DOCK9: variants seen among roughly 807,000 people sequenced by gnomAD.
DOCK9 encodes the protein dedicator of cytokinesis protein 9.
A neutral mutation model predicts 263.3 loss-of-function variants in DOCK9; 89 were observed. That is an observed-to-expected ratio of 0.34 (90% CI 0.28 to 0.40). The LOEUF (loss-of-function observed/expected upper bound fraction) is 0.40. Ranked by LOEUF, DOCK9 falls within the 10% of genes least tolerant of loss-of-function variation. The pLI is 1.00. For missense variants in DOCK9, 2,140 were observed against 2,603.4 expected (o/e 0.82, Z 3.87); for synonymous variants, 976 against 973.1 (o/e 1.00, Z -0.06).
chr13:99,004,169 ACC>A (rs1882888392), intron 1 of DOCK9, among the ~76,000 whole-genome samples: 3 of 151,950 alleles, frequency 2.0e-5, no homozygotes, highest in African/African-American at 7.3e-5. Context: ...ACCTGTGCTT[ACC>A]CCCATCATGG....
intron 1 of DOCK9, among the ~76,000 whole-genome samples, chr13:99,075,363 T>TA (rs2041867735): frequency 6.7e-6 from 1 of 149,386 alleles, no homozygotes. Flanking sequence ...TACTTTTTTT[T>TA]TTTTTTTTTT....
chr13:99,082,023 G>A (rs889543325), intron 1 of DOCK9, among the ~76,000 whole-genome samples: 1 of 152,060 alleles, frequency 6.6e-6, no homozygotes, highest in Non-Finnish European at 1.5e-5. Flanking sequence ...TTCAAGACCA[G>A]CCTAGGCAAC....
chr13:98,932,557 C>T (rs1200066131), intron 2 of DOCK9, among the ~76,000 whole-genome samples: 4 of 152,204 alleles, frequency 2.6e-5, no homozygotes, highest in Non-Finnish European at 5.9e-5. Context: ...TGGCAGTTTC[C>T]TTTCTTCCTT....
At chr13:98,925,806 T>C in intron 4 of DOCK9, 31 bp downstream of exon 4, 1 of 1,461,656 alleles carries the variant, frequency 6.8e-7, no homozygotes, top group Non-Finnish European at 9.2e-7. Context: ...TACAAAGACT[T>C]TTCCCTATGT....
intron 1 of DOCK9, among the ~76,000 whole-genome samples, chr13:99,083,579 C>T (rs2042213157): frequency 6.6e-6 from 1 of 152,042 alleles, no homozygotes; most frequent in Non-Finnish European, 1.5e-5. Flanking sequence ...ATTATTCAAT[C>T]TGGATGATGA....
intron 21 of DOCK9, 33 bp from the exon 22 acceptor site, chr13:98,883,932 C>T (rs779457531): frequency 5.4e-6 from 8 of 1,490,798 alleles, no homozygotes; most frequent in Non-Finnish European, 6.5e-6. Context: ...AATATCCCTA[C>T]AGATTAGTTA....
Position 98,794,642 on chromosome 13 carries a change from G to C in DOCK9, c.6263C>G (p.Ser2088Trp). Residue 2088 changes from serine (S) to tryptophan (W), a missense_variant, in exon 53 of 53, where the codon TCG becomes TGG. Physicochemically the swap from Ser to Trp is radical, Grantham distance 177. Transcript: ENST00000682017. ...GAGATGTAATCACACGACCGAAGAC[G>C]AGCTGGTCATCCCGTGAACCATTGT... ...TSTMVHGMTS[S>W]SSVV is the part of the protein sequence containing the mutation. 1.2e-6 allele frequency: 2 copies of C among 1,607,384 alleles called. No individual in the cohort carries two copies. The highest frequency in any genetic ancestry group is 1.7e-6 in the Non-Finnish European group (2 of 1,176,896).
intron 7 of DOCK9, among the ~76,000 whole-genome samples, chr13:98,918,233 G>A (rs1292792563): frequency 6.6e-6 from 1 of 152,124 alleles, no homozygotes; most frequent in African/African-American, 2.4e-5. Flanking sequence ...TGCAGCACAG[G>A]AAGGGGAATC....
intron 38 of DOCK9, chr13:98,845,484 G>A (rs1221048582): frequency 3.1e-6 from 2 of 645,072 alleles, no homozygotes; most frequent in Non-Finnish European, 4.6e-6. Context: ...TCCATTCAGA[G>A]CTGGAATGTC....
chr13:99,057,785 G>A (rs2040993489), intron 1 of DOCK9, among the ~76,000 whole-genome samples: 1 of 152,138 alleles, frequency 6.6e-6, no homozygotes. Flanking sequence ...TTACAACACA[G>A]AGATCAGCAG....
At chr13:99,063,342 C>A (rs2041277717) in intron 1 of DOCK9, among the ~76,000 whole-genome samples, 1 of 152,220 alleles carries the variant, frequency 6.6e-6, no homozygotes, top group South Asian at 2.1e-4. Context: ...CCTTCCCAGC[C>A]TAGAAGGCCT....
chr13:99,007,709 G>A (rs1203439464), intron 1 of DOCK9, among the ~76,000 whole-genome samples: 1 of 152,166 alleles, frequency 6.6e-6, no homozygotes, highest in East Asian at 1.9e-4. Flanking sequence ...GGCAAAATTA[G>A]TGCTAATTTG....
intron 1 of DOCK9, among the ~76,000 whole-genome samples, chr13:99,069,423 C>T (rs2041575023): frequency 6.6e-6 from 1 of 152,148 alleles, no homozygotes; most frequent in Non-Finnish European, 1.5e-5. Context: ...TATACAAGCA[C>T]GGAGGAGATC....
rs137984334 is a variant in DOCK9 at position 98,990,405 on chromosome 13, C to T, written c.130-34854G>A. On this transcript the variant is annotated intron_variant, in intron 1 of 32. Transcript: ENST00000427887. Reference sequence around the variant, plus strand: ...CCTGGTATAAGACTTGAAGAAAAGACGGTAAAATAAAAAATCTTAAGCAAG... The same window carrying T: ...CCTGGTATAAGACTTGAAGAAAAGATGGTAAAATAAAAAATCTTAAGCAAG... 3.1e-3 allele frequency among the ~76,000 whole-genome samples: 465 copies of T among 152,176 alleles called. 1 individual carries two copies. Among genetic ancestry groups the T allele is most frequent in the African/African-American group, 0.011 (437 of 41,510 alleles).
At chr13:99,075,941 C>G (rs1377583508) in intron 1 of DOCK9, among the ~76,000 whole-genome samples, 2 of 152,088 alleles carry the variant, frequency 1.3e-5, no homozygotes, top group Non-Finnish European at 2.9e-5. Context: ...ACTACAGGCC[C>G]TGACCCAGCC....
intron 1 of DOCK9, among the ~76,000 whole-genome samples, chr13:98,975,147 G>A (rs997341849): frequency 1.3e-5 from 2 of 152,150 alleles, no homozygotes; most frequent in African/African-American, 4.8e-5. Context: ...GGGAAGCCGA[G>A]GCGGGCGGAT....
chr13:99,000,825 A>C (rs567062853), intron 1 of DOCK9, among the ~76,000 whole-genome samples: 24 of 152,298 alleles, frequency 1.6e-4, no homozygotes, highest in Non-Finnish European at 2.6e-4. Flanking sequence ...ATTTTTTACA[A>C]TCAGATAAGA....
At chr13:98,846,134 G>T in intron 37 of DOCK9, 74 bp from the exon 38 acceptor site, 1 of 1,512,296 alleles carries the variant, frequency 6.6e-7, no homozygotes, top group Non-Finnish European at 8.9e-7. Flanking sequence ...GAGTGTTAGT[G>T]AAGCCAGAAC....
In DOCK9 at chr13:98,837,912, C is replaced by T. The variant is rs1314798765; in HGVS notation, c.4199-303G>A. 3.3e-5 allele frequency among the ~76,000 whole-genome samples: 5 copies of T among 152,330 alleles called. No homozygotes were observed. In the East Asian group the frequency reaches 9.6e-4, roughly 29 times the overall value. On this transcript the variant is annotated intron_variant, in intron 38 of 52. Coordinates refer to ENST00000682017, the MANE Select transcript of DOCK9 (RefSeq NM_001366683.2). ...TCTATGAACTTTACACATATTCTCT[C>T]ATTTAATCCCTCAACAGCCCTGTGA...
Sources: allele counts gnomAD v4.1 joint callset (sites outside exome capture counted in the v4.1 genomes callset), GRCh38; gene constraint gnomAD v4.1.1; transcripts MANE v1.5; gene names NCBI Gene and HGNC (gene_info 2026-07-23, HGNC 2026-07-21).